The following A1BG variants were observed in gnomAD, a reference collection of about 807,000 sequenced individuals.
A1BG encodes the protein alpha-1-B glycoprotein, also known as alpha-1B-glycoprotein.
A1BG carries 44 observed loss-of-function variants against 46.0 expected under a neutral mutation model. That is an observed-to-expected ratio of 0.96 (90% CI 0.75 to 1.23). The LOEUF is 1.23. A1BG is among the 50% of genes most tolerant of loss of function. The probability of loss-of-function intolerance (pLI) is 0.00; values close to 1 mark genes in which losing one functional copy is unlikely to be tolerated. For missense variants in A1BG, 707 were observed against 688.8 expected (o/e 1.03, Z -0.30); for synonymous variants, 316 against 314.7 (o/e 1.00, Z -0.04).
chr19:58,347,546 G>C lies in A1BG; in HGVS notation c.1287C>G (p.Asp429Glu), dbSNP rs772563296. ...CCTCGCGCAGCAGCTCGAAGGTGAC[G>C]TCGGGGATGGGTCCCTCGCAGCGCA... The part of the protein sequence containing the change: ...AVLRCEGPIP[D>E]VTFELLREGE... The change falls in exon 7 of 8, where the codon GAC becomes GAG. Residue 429 changes from aspartate to glutamate, a missense_variant. Transcript: ENST00000263100. The C allele has an allele frequency of 6.4e-7, 1 of 1,569,160 alleles. No individual in the cohort carries two copies. The highest frequency in any genetic ancestry group is 8.6e-7 in the Non-Finnish European group (1 of 1,160,308).
At position 58,350,639 on chromosome 19, in the gene A1BG, G is replaced by C; in HGVS notation, c.923C>G (p.Ala308Gly). 7.1e-7 allele frequency: 1 copy of C among 1,414,296 alleles called. No homozygotes were observed. The highest frequency in any genetic ancestry group is 9.2e-7 in the Non-Finnish European group (1 of 1,088,912). 87.6% of individuals were successfully genotyped at this position (1,414,296 alleles called of 1,614,324 possible). A position where few individuals can be genotyped will look rare whatever the true frequency, so the allele number is the denominator to read the frequency against. Residue 308 changes from alanine (A) to glycine (G), a missense_variant, in exon 6 of 8, where the codon GCG (alanine) becomes GGG (glycine). Physicochemically the swap from Ala to Gly is moderately conservative, Grantham distance 60. Transcript: ENST00000263100. ...CTCCGGCTCCGGGGAGAACTCCGGC[G>C]CGGGCAGCGTCTCTGCGGAGCAGCA... ...ELILSDETLPAPEFSPEPESG... is the reference protein window; with the variant it reads ...ELILSDETLPGPEFSPEPESG...
rs761742284 is a variant in A1BG at position 58,353,155 on chromosome 19, A to C, written c.113T>G (p.Leu38Arg). ...CGTCACATTGGCCAAGGGTTTCAGC[A>C]GTGATTCGGACTCTGCCCACAGGCT... The part of the protein sequence containing the change: ...QPSLWAESES[L>R]LKPLANVTLT... The change falls in exon 3 of 8, where the codon CTG (leucine) becomes CGG (arginine). Residue 38 changes from leucine (L) to arginine (R), a missense_variant. Leu to Arg is a moderately radical substitution (Grantham distance 102). Transcript: ENST00000263100. 1.2e-6 allele frequency: 2 copies of C among 1,614,172 alleles called. No individual in the cohort carries two copies. The highest frequency in any genetic ancestry group is 3.3e-5 in the Admixed American group (2 of 60,026).
rs149623806 is a variant in A1BG, at chr19:58,353,293, TATG to T, written c.66_68del (p.Ile23del). The T allele has an allele frequency of 3.9e-5, 63 of 1,613,562 alleles. No homozygotes were observed. The African/African-American group carries it at 8.0e-4, about 20-fold the overall frequency. On this transcript the variant is annotated inframe_deletion and splice_region_variant, in exon 2 of 8. Transcript: ENST00000263100. ...CCCAGACCTCACCCCTGCACTCACATATGGCTGCTTCTGTCACTGGGCCCCAGG... is the reference window on the plus strand; with the variant it reads ...CCCAGACCTCACCCCTGCACTCACATGCTGCTTCTGTCACTGGGCCCCAGG...
At chr19:58,348,101 C>G (rs2051929554) in intron 6 of A1BG, among the ~76,000 whole-genome samples, 1 of 152,210 alleles carries the variant, frequency 6.6e-6, no homozygotes, top group Non-Finnish European at 1.5e-5. Context: ...CCTGTAATCT[C>G]AGCACTTTGA....
chr19:58,347,400 T>G lies in A1BG; in HGVS notation c.1433A>C (p.His478Pro). 6.2e-7 allele frequency: 1 copy of G among 1,612,072 alleles called. No individual in the cohort carries two copies. ...YRCRYRSWVP[H>P]TFESELSDPV... is the part of the protein sequence containing the mutation. ...GTCGCTGAGCTCCGATTCGAAGGTG[T>G]GGGGCACCCAGGAGCGGTAGCGGCA... Residue 478 changes from histidine to proline, a missense_variant, in exon 7 of 8, where the codon CAC becomes CCC. Coordinates refer to ENST00000263100, the MANE Select transcript of A1BG (RefSeq NM_130786.4).
rs1422719946 is a variant in A1BG at position 58,345,756 on chromosome 19, ACAT to A, written c.*1263_*1265del. 6.6e-6 allele frequency: 1 copy of A among 152,290 alleles called. No homozygotes were observed. Among genetic ancestry groups the A allele is most frequent in the Non-Finnish European group, 1.5e-5 (1 of 68,072 alleles). The allele number at this position is 152,290 out of a possible 1,614,324, so 9.4% of individuals were successfully genotyped here. A position where few individuals can be genotyped will look rare whatever the true frequency, so the allele number is the denominator to read the frequency against. On this transcript the variant is annotated 3_prime_UTR_variant, in exon 8 of 8. Coordinates refer to ENST00000263100, the MANE Select transcript of A1BG (RefSeq NM_130786.4). ...GGACACATCAGGCTTGAGAGAAGTG[ACAT>A]CATCATAGACTGTGCAGACATTAAA...
chr19:58,353,214 G>A lies in A1BG; in HGVS notation c.71-17C>T. Reference sequence around the variant, plus strand: ...TCTCATAAACTGCAAGGGGTGGCTGGGATCAGCTCAGTGCCACAGAGACAG... The same window carrying A: ...TCTCATAAACTGCAAGGGGTGGCTGAGATCAGCTCAGTGCCACAGAGACAG... On this transcript the variant is annotated splice_polypyrimidine_tract_variant and intron_variant, in intron 2 of 7. Transcript: ENST00000263100. 2 of 1,613,366 alleles carry A rather than the reference G, an allele frequency of 1.2e-6. No individual in the cohort carries two copies. The highest frequency in any genetic ancestry group is 8.5e-7 in the Non-Finnish European group (1 of 1,179,468).
chr19:58,352,869 A>G lies in A1BG; in HGVS notation c.340+59T>C, dbSNP rs1600506812. 5.2e-6 allele frequency: 8 copies of G among 1,547,174 alleles called. No individual in the cohort carries two copies. In the Admixed American group the frequency reaches 1.5e-4, roughly 29 times the overall value. ...CATCGGGTGACTTGGAGGAAGGGAG[A>G]CCCCCCAGTCAACAACCTACCCACT... On this transcript the variant is annotated intron_variant, in intron 3 of 7. Transcript: ENST00000263100.
Position 58,352,429 on chromosome 19 carries a change from T to C in A1BG, c.467A>G (p.His156Arg), listed in dbSNP as rs1397539807. The C allele has an allele frequency of 5.6e-6, 9 of 1,613,514 alleles. No homozygotes were observed. The Admixed American group carries it at 8.3e-5, about 15-fold the overall frequency. The stretch of plus-strand genomic sequence containing the variant: ...GGCCTCAGGCACCTCCAGAAACTCA[T>C]GGTCGCCCTCCCGCCTCAGCAGAAA... The part of the protein sequence containing the change: ...VTFLLRREGD[H>R]EFLEVPEAQE... Residue 156 changes from histidine (H) to arginine (R), a missense_variant, in exon 4 of 8, where the codon CAT becomes CGT. Coordinates refer to ENST00000263100, the MANE Select transcript of A1BG (RefSeq NM_130786.4).
intron 5 of A1BG, 173 bp downstream of exon 5, chr19:58,351,218 T>C: frequency 1.2e-6 from 1 of 817,474 alleles, no homozygotes; most frequent in Non-Finnish European, 1.9e-6. Flanking sequence ...GCCTGAAGGT[T>C]GTCACGCTCA....
chr19:58,350,472 T>C lies in A1BG; in HGVS notation c.1090A>G (p.Ile364Val), dbSNP rs140084941. 2.0e-4 allele frequency: 319 copies of C among 1,556,676 alleles called. No individual in the cohort carries two copies. The African/African-American group carries it at 3.7e-3, about 18-fold the overall frequency. ...TAGTTGGCGGAGTCAGCCACGGAAA[T>C]GTTGTGCAGCTCGAAGAGCGCCTCG... Reference protein sequence around the residue: ...GTEALFELHNISVADSANYSC... With the variant: ...GTEALFELHNVSVADSANYSC... Residue 364 changes from isoleucine to valine, a missense_variant, in exon 6 of 8, where the codon ATT becomes GTT. Transcript: ENST00000263100.
At chr19:58,347,769 T>G in intron 6 of A1BG, 129 bp from the exon 7 acceptor site, 1 of 554,888 alleles carries the variant, frequency 1.8e-6, no homozygotes, top group Non-Finnish European at 2.6e-6. Flanking sequence ...CCTGTCTTGT[T>G]CCTGGGCGCA....
At position 58,353,162 on chromosome 19, in the gene A1BG, C is replaced by T. The variant is rs145046378; in HGVS notation, c.106G>A (p.Glu36Lys). The change falls in exon 3 of 8, where the codon GAA (glutamate) becomes AAA (lysine). Residue 36 changes from glutamate (E) to lysine (K), a missense_variant. Transcript: ENST00000263100. Reference sequence around the variant, plus strand: ...TTGGCCAAGGGTTTCAGCAGTGATTCGGACTCTGCCCACAGGCTGGGCTGC... The same window carrying T: ...TTGGCCAAGGGTTTCAGCAGTGATTTGGACTCTGCCCACAGGCTGGGCTGC... Reference protein sequence around the residue: ...ETQPSLWAESESLLKPLANVT... With the variant: ...ETQPSLWAESKSLLKPLANVT... The T allele has an allele frequency of 2.1e-5, 34 of 1,614,110 alleles. No homozygotes were observed. Among genetic ancestry groups the T allele is most frequent in the East Asian group, 4.5e-5 (2 of 44,884 alleles).
chr19:58,353,143 A>T lies in A1BG; in HGVS notation c.125T>A (p.Leu42Ter). 1 of 1,614,114 alleles carries T rather than the reference A, an allele frequency of 6.2e-7. No individual in the cohort carries two copies. The highest frequency in any genetic ancestry group is 8.5e-7 in the Non-Finnish European group (1 of 1,179,994). Residue 42 changes from leucine to a stop codon, truncating the protein, a stop_gained, in exon 3 of 8, where the codon TTG (leucine) becomes TAG (stop). Coordinates refer to ENST00000263100, the MANE Select transcript of A1BG (RefSeq NM_130786.4). LOFTEE classifies it high-confidence loss of function. The part of the protein sequence containing the change: ...WAESESLLKP[L>*]ANVTLTCQAH... ...CTGGCACGTCAGCGTCACATTGGCC[A>T]AGGGTTTCAGCAGTGATTCGGACTC...
chr19:58,351,225 CTCA>C lies in A1BG; in HGVS notation c.910+163_910+165del, dbSNP rs770967100. ...CCTGTGGGGCCTGAAGGTTGTCACG[CTCA>C]TCATCATATTTGCAGTTTAGGACCC... is the stretch of plus-strand genomic sequence containing the variant. On this transcript the variant is annotated intron_variant, in intron 5 of 7. Coordinates refer to ENST00000263100, the MANE Select transcript of A1BG (RefSeq NM_130786.4). 10 of 866,852 alleles carry C rather than the reference CTCA, an allele frequency of 1.2e-5. No homozygotes were observed. In the South Asian group the frequency reaches 1.3e-4, roughly 11 times the overall value. The allele number at this position is 866,852 out of a possible 1,614,324, so 53.7% of individuals were successfully genotyped here.
rs771372524 is a variant in A1BG at position 58,347,635 on chromosome 19, G to T, written c.1198C>A (p.Pro400Thr). ...GTCGCCCGGAGCTGAGGCCTGGGAG[G>T]GGGTCCTGGGCGGAGCGGGCGGGTG... is the stretch of plus-strand genomic sequence containing the variant. The part of the protein sequence containing the change: ...ERLELHVDGP[P>T]PRPQLRATWS... Residue 400 changes from proline to threonine, a missense_variant, in exon 7 of 8, where the codon CCT becomes ACT. Pro to Thr is a conservative substitution (Grantham distance 38, BLOSUM62 -1). Coordinates refer to ENST00000263100, the MANE Select transcript of A1BG (RefSeq NM_130786.4). 1.4e-6 allele frequency: 2 copies of T among 1,440,696 alleles called. No homozygotes were observed. Among genetic ancestry groups the T allele is most frequent in the East Asian group, 2.8e-5 (1 of 36,086 alleles). 89.2% of individuals were successfully genotyped at this position (1,440,696 alleles called of 1,614,324 possible). A position where few individuals can be genotyped will look rare whatever the true frequency, so the allele number is the denominator to read the frequency against.
Position 58,353,015 on chromosome 19 carries a change from C to T in A1BG, c.253G>A (p.Gly85Ser). Residue 85 changes from glycine (G) to serine (S), a missense_variant, in exon 3 of 8, where the codon GGT becomes AGT. By Grantham distance (56) the Gly-to-Ser change is moderately conservative. Coordinates refer to ENST00000263100, the MANE Select transcript of A1BG (RefSeq NM_130786.4). ...CAGCGGTAGCGGCCCTGGGTGTCAC[C>T]CGTCAGCAGGAACTGGTGCTTGATG... ...PAIKHQFLLT[G>S]DTQGRYRCRS... is the part of the protein sequence containing the mutation. The T allele has an allele frequency of 6.2e-7, 1 of 1,614,066 alleles. No individual in the cohort carries two copies. Among genetic ancestry groups the T allele is most frequent in the South Asian group, 1.1e-5 (1 of 91,088 alleles).
chr19:58,346,703 T>C lies in A1BG; in HGVS notation c.*319A>G. ...CACTGCACTCCAGCCTGGGTGACAG[T>C]GTGAGACCCTGTCTCAAAAAAGAAA... On this transcript the variant is annotated 3_prime_UTR_variant, in exon 8 of 8. Transcript: ENST00000263100. The C allele has an allele frequency of 2.3e-6, 1 of 429,372 alleles. No individual in the cohort carries two copies. The highest frequency in any genetic ancestry group is 4.3e-6 in the Non-Finnish European group (1 of 232,656). 26.6% of individuals were successfully genotyped at this position (429,372 alleles called of 1,614,324 possible).
chr19:58,349,561 G>A (rs1448841568), intron 6 of A1BG: 1 of 151,746 alleles, frequency 6.6e-6, no homozygotes, highest in Non-Finnish European at 1.5e-5. Context: ...TGAGGCAGGA[G>A]AACTGCCTGA....
Sources: allele counts gnomAD v4.1 joint callset (sites outside exome capture counted in the v4.1 genomes callset), GRCh38; gene constraint gnomAD v4.1.1; transcripts MANE v1.5; gene names NCBI Gene and HGNC (gene_info 2026-07-23, HGNC 2026-07-21).